PDE8B: variants seen among roughly 807,000 people sequenced by gnomAD.
PDE8B encodes the protein phosphodiesterase 8B, also known as high affinity cAMP-specific and IBMX-insensitive 3',5'-cyclic phosphodiesterase 8B.
PDE8B carries 26 observed loss-of-function variants against 101.3 expected under a neutral mutation model. That is an observed-to-expected ratio of 0.26 (90% CI 0.19 to 0.36). The LOEUF (loss-of-function observed/expected upper bound fraction) is 0.36, where lower values mean the gene tolerates loss of function less well. Ranked by LOEUF, PDE8B falls within the 10% of genes least tolerant of loss-of-function variation. The pLI is 1.00. For synonymous variants in PDE8B, 424 were observed against 429.3 expected, an observed-to-expected ratio of 0.99 and a Z score of 0.15; for missense variants, 810 against 1,163.1, an observed-to-expected ratio of 0.70 and a Z score of 4.42.
chr5:77,102,739 CAG>C, the PDE8B span, among the ~76,000 whole-genome samples: 1 of 152,146 alleles, frequency 6.6e-6, no homozygotes, highest in African/African-American at 2.4e-5. Flanking sequence ...TCTGGAGAGT[CAG>C]GGGTTTTTTG....
intron 2 of PDE8B, among the ~76,000 whole-genome samples, chr5:77,315,386 G>A (rs1773589745): frequency 6.6e-6 from 1 of 152,122 alleles, no homozygotes; most frequent in South Asian, 2.1e-4. Context: ...ATGTCTGATT[G>A]TTTCCAGCTC....
the PDE8B span, among the ~76,000 whole-genome samples, chr5:77,185,764 T>G: frequency 6.6e-6 from 1 of 152,160 alleles, no homozygotes; most frequent in Non-Finnish European, 1.5e-5. Context: ...ACTGTTATTT[T>G]TCTGAATTCC....
At chr5:77,129,191 AAGG>A in the PDE8B span, among the ~76,000 whole-genome samples, 5 of 152,214 alleles carry the variant, frequency 3.3e-5, no homozygotes, top group African/African-American at 1.2e-4. Flanking sequence ...TGTGGGGGAA[AAGG>A]AGGACAGATG....
At chr5:77,122,777 C>T in the PDE8B span, among the ~76,000 whole-genome samples, 4 of 152,132 alleles carry the variant, frequency 2.6e-5, no homozygotes, top group Non-Finnish European at 4.4e-5. Flanking sequence ...AGGAGTAAGC[C>T]AGCCTGCAAT....
chr5:77,112,775 C>A, the PDE8B span: 1 of 152,178 alleles, frequency 6.6e-6, no homozygotes, highest in Non-Finnish European at 1.5e-5. Flanking sequence ...GCCCCATCAT[C>A]TCAGCCCAAA....
At chr5:77,221,945 G>A (rs1751173308) in intron 1 of PDE8B, among the ~76,000 whole-genome samples, 1 of 152,294 alleles carries the variant, frequency 6.6e-6, no homozygotes, top group South Asian at 2.1e-4. Flanking sequence ...TGACCACCCT[G>A]GGGGTGGAGG....
the PDE8B span, among the ~76,000 whole-genome samples, chr5:77,152,485 T>G: frequency 6.6e-6 from 1 of 152,186 alleles, no homozygotes; most frequent in African/African-American, 2.4e-5. Context: ...AGGCATCTCC[T>G]GCACCCAGCT....
the PDE8B span, among the ~76,000 whole-genome samples, chr5:77,104,148 C>T: frequency 6.6e-6 from 1 of 152,120 alleles, no homozygotes; most frequent in South Asian, 2.1e-4. Context: ...AGAGCAGGCC[C>T]CTTTAGCCTA....
the PDE8B span, among the ~76,000 whole-genome samples, chr5:77,171,871 G>A: frequency 6.6e-6 from 1 of 152,152 alleles, no homozygotes; most frequent in East Asian, 1.9e-4. Flanking sequence ...GGAAGCCAGA[G>A]GGCCAGGGAC....
chr5:77,270,211 T>TA (rs2149768775), intron 1 of PDE8B, among the ~76,000 whole-genome samples: 1 of 152,284 alleles, frequency 6.6e-6, no homozygotes, highest in East Asian at 1.9e-4. Context: ...TCCTATGTAT[T>TA]TTATTTGTAG....
chr5:77,132,440 T>A, the PDE8B span, among the ~76,000 whole-genome samples: 2 of 152,250 alleles, frequency 1.3e-5, no homozygotes, highest in Non-Finnish European at 2.9e-5. Flanking sequence ...TGAAATATTG[T>A]TTATGGCTGA....
At chr5:77,237,863 T>G (rs1047455338) in intron 1 of PDE8B, among the ~76,000 whole-genome samples, 6 of 152,176 alleles carry the variant, frequency 3.9e-5, no homozygotes, top group Non-Finnish European at 8.8e-5. Flanking sequence ...TCATAAAATA[T>G]AGAATCCTGA....
At chr5:77,412,028 G>T in intron 15 of PDE8B, 72 bp from the exon 16 acceptor site, 1 of 1,494,660 alleles carries the variant, frequency 6.7e-7, no homozygotes, top group Non-Finnish European at 9.3e-7. Flanking sequence ...TAACTATGAA[G>T]ATGATGACAG....
In PDE8B at chr5:77,274,508, C is replaced by T. The variant is rs73767355; in HGVS notation, c.340-37486C>T. On this transcript the variant is annotated intron_variant, in intron 1 of 21. Transcript: ENST00000264917. The stretch of plus-strand genomic sequence containing the variant: ...CATGTCCCAGGTGCTATGCTAGCTC[C>T]TGGACATGCAGTGATGGCCAACCTG... Among the ~76,000 whole-genome samples, 995 of 152,292 alleles carry T rather than the reference C, an allele frequency of 6.5e-3. 15 individuals carry two copies. The highest frequency in any genetic ancestry group is 0.023 in the African/African-American group (949 of 41,556).
At chr5:77,390,295 T>C (rs974611883) in intron 10 of PDE8B, among the ~76,000 whole-genome samples, 2 of 152,184 alleles carry the variant, frequency 1.3e-5, no homozygotes, top group Non-Finnish European at 2.9e-5. Flanking sequence ...TGGCAACTTA[T>C]AATATTTTGA....
chr5:77,214,655 A>G (rs137866875), intron 1 of PDE8B, among the ~76,000 whole-genome samples: 105 of 152,346 alleles, frequency 6.9e-4, no homozygotes, highest in African/African-American at 2.4e-3. Context: ...CTTATGGTAA[A>G]TAATAATGAG....
intron 10 of PDE8B, among the ~76,000 whole-genome samples, chr5:77,387,930 C>A: frequency 6.6e-6 from 1 of 152,016 alleles, no homozygotes; most frequent in East Asian, 1.9e-4. Context: ...TACATCAGGT[C>A]ATTTATGTTC....
the PDE8B span, among the ~76,000 whole-genome samples, chr5:77,177,511 A>T: frequency 6.6e-6 from 1 of 152,250 alleles, no homozygotes; most frequent in Non-Finnish European, 1.5e-5. Flanking sequence ...AGCGTACTGT[A>T]GGTCTTAGCG....
At chr5:77,292,388 A>C (rs1767567437) in intron 1 of PDE8B, among the ~76,000 whole-genome samples, 2 of 152,202 alleles carry the variant, frequency 1.3e-5, no homozygotes. Flanking sequence ...AAAGAGTATC[A>C]AACACACTTT....
Sources: allele counts gnomAD v4.1 joint callset (sites outside exome capture counted in the v4.1 genomes callset), GRCh38; gene constraint gnomAD v4.1.1; transcripts MANE v1.5; gene names NCBI Gene and HGNC (gene_info 2026-07-23, HGNC 2026-07-21).